Variants in PIK3R1 observed in about 807,000 individuals in gnomAD.
The protein encoded by PIK3R1 is phosphatidylinositol 3-kinase regulatory subunit alpha.
A neutral mutation model predicts 98.0 loss-of-function variants in PIK3R1; 29 were observed. That is an observed-to-expected ratio of 0.30 (90% CI 0.22 to 0.40). The LOEUF (loss-of-function observed/expected upper bound fraction) is 0.40, where lower values mean the gene tolerates loss of function less well. PIK3R1 is among the 10% of genes least tolerant of loss of function. PIK3R1 has a pLI of 1.00. For synonymous variants in PIK3R1, 282 were observed against 311.8 expected, an observed-to-expected ratio of 0.90 and a Z score of 1.01; for missense variants, 596 against 872.7, an observed-to-expected ratio of 0.68 and a Z score of 3.99.
intron 2 of PIK3R1, among the ~76,000 whole-genome samples, chr5:68,259,510 C>A (rs935109089): frequency 1.3e-5 from 2 of 152,172 alleles, no homozygotes; most frequent in Admixed American, 1.3e-4. Flanking sequence ...TGTGATTTTT[C>A]AAGAGTGAGG....
intron 2 of PIK3R1, among the ~76,000 whole-genome samples, chr5:68,266,526 A>T (rs986881949): frequency 6.6e-6 from 1 of 152,250 alleles, no homozygotes; most frequent in Non-Finnish European, 1.5e-5. Context: ...TATCAAGATC[A>T]TTTAACTTGA....
chr5:68,241,779 A>G (rs1393113253), intron 2 of PIK3R1, among the ~76,000 whole-genome samples: 2 of 152,386 alleles, frequency 1.3e-5, no homozygotes, highest in East Asian at 3.9e-4. Context: ...GCAGGAGGAA[A>G]GGAACCTCTA....
Position 68,296,247 on chromosome 5 carries a change from C to A in PIK3R1, c.1891C>A (p.Arg631=), listed in dbSNP as rs761888083. The A allele has an allele frequency of 2.5e-6, 4 of 1,613,976 alleles. No individual in the cohort carries two copies. In the African/African-American group the frequency reaches 4.0e-5, roughly 16 times the overall value. The part of the protein sequence containing the change: ...EKTWNVGSSN[R]NKAENLLRGK... ...GACATGGAATGTTGGAAGCAGCAAC[C>A]GAAACAAAGCTGAAAACCTGTTGCG... Residue 631 remains arginine, a synonymous_variant, in exon 15 of 16, where the codon CGA becomes AGA. Transcript: ENST00000521381.
intron 2 of PIK3R1, among the ~76,000 whole-genome samples, chr5:68,270,576 A>G (rs947815338): frequency 6.6e-6 from 1 of 152,160 alleles, no homozygotes; most frequent in Admixed American, 6.5e-5. Context: ...AAAGGGGAAG[A>G]GGAATTGGCA....
intron 2 of PIK3R1, among the ~76,000 whole-genome samples, chr5:68,254,473 A>G (rs1745436109): frequency 6.6e-6 from 1 of 152,314 alleles, no homozygotes; most frequent in African/African-American, 2.4e-5. Context: ...TCTCTCTATA[A>G]AGGAGAAATC....
intron 1 of PIK3R1, among the ~76,000 whole-genome samples, chr5:68,221,939 TATATA>T (rs1261027118): frequency 1.3e-5 from 2 of 152,214 alleles, no homozygotes. Flanking sequence ...CATATGATAT[TATATA>T]AGAGTAAGTT....
At chr5:68,244,069 C>T (rs1744973464) in intron 2 of PIK3R1, among the ~76,000 whole-genome samples, 1 of 152,156 alleles carries the variant, frequency 6.6e-6, no homozygotes, top group Non-Finnish European at 1.5e-5. Context: ...TGGATATAAG[C>T]AGCAATATAT....
At chr5:68,294,746 C>G (rs1477869534) in intron 12 of PIK3R1, 68 bp downstream of exon 12, 3 of 1,188,406 alleles carry the variant, frequency 2.5e-6, no homozygotes. Context: ...AAGATGATCT[C>G]GCTTTCTGTG....
At chr5:68,224,712 G>A (rs887674952) in intron 1 of PIK3R1, among the ~76,000 whole-genome samples, 6 of 152,028 alleles carry the variant, frequency 3.9e-5, no homozygotes, top group African/African-American at 1.2e-4. Flanking sequence ...TGTTTTTATT[G>A]CTTTATTGTG....
rs780242390 is a variant in PIK3R1, at chr5:68,294,525, T to C, written c.1426-11T>C. The C allele has an allele frequency of 6.3e-7, 1 of 1,592,360 alleles. No homozygotes were observed. Among genetic ancestry groups the C allele is most frequent in the Admixed American group, 1.7e-5 (1 of 57,180 alleles). Reference sequence around the variant, plus strand: ...AAGGTATGACATTATCTTTTTAAAATTATGTTGCAGGAAATCCAAATGAAA... The same window carrying C: ...AAGGTATGACATTATCTTTTTAAAACTATGTTGCAGGAAATCCAAATGAAA... On this transcript the variant is annotated splice_polypyrimidine_tract_variant and intron_variant, in intron 11 of 15. Coordinates refer to ENST00000521381, the MANE Select transcript of PIK3R1 (RefSeq NM_181523.3).
intron 2 of PIK3R1, among the ~76,000 whole-genome samples, chr5:68,268,527 A>G (rs532056375): frequency 2.8e-4 from 42 of 152,350 alleles, no homozygotes; most frequent in African/African-American, 9.9e-4. Context: ...TTCAGACAGA[A>G]ACAGCTTTGA....
At chr5:68,262,629 GTA>G (rs1375026287) in intron 2 of PIK3R1, among the ~76,000 whole-genome samples, 1 of 139,598 alleles carries the variant, frequency 7.2e-6, no homozygotes, top group African/African-American at 2.8e-5. Context: ...GTAGATGCAT[GTA>G]TACACATGTA....
At chr5:68,289,001 A>G (rs984153098) in intron 7 of PIK3R1, among the ~76,000 whole-genome samples, 1 of 152,114 alleles carries the variant, frequency 6.6e-6, no homozygotes, top group Middle Eastern at 3.2e-3. Context: ...GTGCCAGGCC[A>G]GGGCTTGGAG....
intron 2 of PIK3R1, among the ~76,000 whole-genome samples, chr5:68,261,804 T>C (rs1357994131): frequency 6.6e-6 from 1 of 152,186 alleles, no homozygotes; most frequent in African/African-American, 2.4e-5. Flanking sequence ...GAAAAAGTAG[T>C]TGACAGCTTA....
intron 2 of PIK3R1, among the ~76,000 whole-genome samples, chr5:68,263,646 G>A (rs1041437543): frequency 6.6e-6 from 1 of 152,068 alleles, no homozygotes; most frequent in Admixed American, 6.6e-5. Flanking sequence ...TAAGGATTGT[G>A]TTTACTTTTA....
chr5:68,244,512 A>ACT (rs1390340649), intron 2 of PIK3R1, among the ~76,000 whole-genome samples: 1 of 20,950 alleles, frequency 4.8e-5, no homozygotes. Flanking sequence ...TTTCTCTAGG[A>ACT]CCGCCCCCCC....
At chr5:68,222,239 C>T (rs906168424) in intron 1 of PIK3R1, among the ~76,000 whole-genome samples, 5 of 152,044 alleles carry the variant, frequency 3.3e-5, no homozygotes, top group African/African-American at 4.8e-5. Flanking sequence ...AGGTCGATCT[C>T]GGTAGGGGTG....
At chr5:68,246,318 T>A (rs1318631358) in intron 2 of PIK3R1, among the ~76,000 whole-genome samples, 1 of 151,276 alleles carries the variant, frequency 6.6e-6, no homozygotes, top group Non-Finnish European at 1.5e-5. Context: ...TGTATATTTT[T>A]TTTTTTTTTT....
chr5:68,281,252 T>C (rs1746822814), intron 7 of PIK3R1, among the ~76,000 whole-genome samples: 1 of 152,226 alleles, frequency 6.6e-6, no homozygotes, highest in South Asian at 2.1e-4. Flanking sequence ...GAGAGTTCCC[T>C]GTACCCTTCA....
Sources: allele counts gnomAD v4.1 joint callset (sites outside exome capture counted in the v4.1 genomes callset), GRCh38; gene constraint gnomAD v4.1.1; transcripts MANE v1.5; gene names NCBI Gene and HGNC (gene_info 2026-07-23, HGNC 2026-07-21).